The following NYAP2 variants were observed in gnomAD, a reference collection of about 807,000 sequenced individuals.
NYAP2 encodes the protein neuronal tyrosine-phosphorylated phosphoinositide-3-kinase adaptor 2.
Under a neutral mutation model 50.4 loss-of-function variants are expected in NYAP2, and 23 were observed. The ratio of observed to expected loss-of-function variants is 0.46; its 90% CI spans 0.33 to 0.65. The LOEUF is 0.65. Among genes scored for constraint, NYAP2 ranks in the 30% least tolerant of loss-of-function variants. The pLI is 0.02. For missense variants in NYAP2, 885 were observed against 861.0 expected, an observed-to-expected ratio of 1.03 and a Z score of -0.35; for synonymous variants, 394 against 365.2, an observed-to-expected ratio of 1.08 and a Z score of -0.90.
In NYAP2 at chr2:225,431,112, GATAAA is replaced by G. The variant is rs140241530; in HGVS notation, c.221+22022_221+22026del. 1.3e-3 allele frequency among the ~76,000 whole-genome samples: 200 copies of G among 152,156 alleles called. 4 individuals are homozygous for G. The East Asian group carries it at 0.031, about 23-fold the overall frequency. ...TTCAAATATCTCTAAAAAATAAAATGATAAAATAAAATAAATTCTGTGGTACATAT... is the reference window on the plus strand; with the variant it reads ...TTCAAATATCTCTAAAAAATAAAATGATAAAATAAATTCTGTGGTACATAT... On this transcript the variant is annotated intron_variant, in intron 3 of 6. Coordinates refer to ENST00000636099, the Ensembl canonical transcript of NYAP2.
At chr2:225,459,110 T>C (rs948203195) in intron 3 of NYAP2, among the ~76,000 whole-genome samples, 2 of 152,248 alleles carry the variant, frequency 1.3e-5, no homozygotes, top group African/African-American at 4.8e-5. Flanking sequence ...TATTGTATCA[T>C]ACTGTGTTAT....
intron 3 of NYAP2, among the ~76,000 whole-genome samples, chr2:225,442,026 T>A (rs1318823261): frequency 6.6e-6 from 1 of 152,246 alleles, no homozygotes. Flanking sequence ...CACTGCCAGC[T>A]CTTCAGTGCG....
intron 4 of NYAP2, among the ~76,000 whole-genome samples, chr2:225,565,295 A>G (rs1691943036): frequency 6.6e-6 from 1 of 152,200 alleles, no homozygotes; most frequent in Admixed American, 6.5e-5. Context: ...AAGATTATCA[A>G]TACTAAAATG....
At chr2:225,510,814 A>T (rs1414983103) in intron 3 of NYAP2, among the ~76,000 whole-genome samples, 2 of 151,832 alleles carry the variant, frequency 1.3e-5, no homozygotes, top group Non-Finnish European at 2.9e-5. Flanking sequence ...TGTAAAAGGC[A>T]TATATGAACC....
chr2:225,443,373 C>T (rs934014579), intron 3 of NYAP2, among the ~76,000 whole-genome samples: 5 of 152,284 alleles, frequency 3.3e-5, no homozygotes, highest in South Asian at 2.1e-4. Flanking sequence ...TCCTCTTCTT[C>T]CTGCCATTCC....
chr2:225,476,033 C>G (rs754675324), intron 3 of NYAP2, among the ~76,000 whole-genome samples: 3 of 152,120 alleles, frequency 2.0e-5, no homozygotes, highest in Non-Finnish European at 2.9e-5. Context: ...CTGCAGAGCT[C>G]AACATCGATT....
At chr2:225,689,902 G>A in the NYAP2 span, among the ~76,000 whole-genome samples, 1 of 151,990 alleles carries the variant, frequency 6.6e-6, no homozygotes, top group Non-Finnish European at 1.5e-5. Flanking sequence ...ATTCAAGAAA[G>A]CCAGATAAGT....
chr2:225,433,713 A>T (rs1200667219), intron 3 of NYAP2, among the ~76,000 whole-genome samples: 5 of 144,812 alleles, frequency 3.5e-5, no homozygotes, highest in Non-Finnish European at 6.0e-5. Context: ...GCTACTCAGG[A>T]GGCTGAGGCA....
chr2:225,609,511 T>A (rs1692843365), intron 5 of NYAP2, among the ~76,000 whole-genome samples: 1 of 152,124 alleles, frequency 6.6e-6, no homozygotes. Flanking sequence ...GGAAGTCAGC[T>A]TGGGGCCAGA....
intron 3 of NYAP2, among the ~76,000 whole-genome samples, chr2:225,494,800 C>T (rs1452145890): frequency 1.7e-4 from 26 of 152,156 alleles, no homozygotes; most frequent in Admixed American, 1.7e-3. Context: ...CAGGTGGTGG[C>T]TGCTCACAGC....
intron 5 of NYAP2, 145 bp downstream of exon 5, chr2:225,583,180 G>A: frequency 9.7e-7 from 1 of 1,029,362 alleles, no homozygotes; most frequent in Non-Finnish European, 1.4e-6. Context: ...AAATGTGTTA[G>A]TTCATTTTTG....
intron 4 of NYAP2, among the ~76,000 whole-genome samples, chr2:225,577,763 A>C (rs1692193625): frequency 6.6e-6 from 1 of 151,936 alleles, no homozygotes; most frequent in South Asian, 2.1e-4. Context: ...TACCTCGAAG[A>C]ACCATGAGAT....
At chr2:225,546,417 C>T (rs1691585942) in intron 4 of NYAP2, among the ~76,000 whole-genome samples, 1 of 152,018 alleles carries the variant, frequency 6.6e-6, no homozygotes, top group Admixed American at 6.6e-5. Context: ...CCTTTCCATT[C>T]TTCCCTTTCC....
At chr2:225,530,617 C>T (rs535309268) in intron 4 of NYAP2, among the ~76,000 whole-genome samples, 1 of 152,266 alleles carries the variant, frequency 6.6e-6, no homozygotes, top group South Asian at 2.1e-4. Flanking sequence ...TGTCTCTGAA[C>T]TCTCACTGGC....
intron 5 of NYAP2, among the ~76,000 whole-genome samples, chr2:225,589,518 T>A (rs12467384): frequency 8.1e-4 from 40 of 49,474 alleles, no homozygotes; most frequent in South Asian, 1.6e-3. Context: ...AAAAGTAAAA[T>A]ATATATATAT....
chr2:225,490,550 C>T (rs1390049321), intron 3 of NYAP2, among the ~76,000 whole-genome samples: 7 of 152,102 alleles, frequency 4.6e-5, no homozygotes, highest in Non-Finnish European at 4.4e-5. Flanking sequence ...TAAGTAGCAG[C>T]TACTGTTCTA....
the NYAP2 span, among the ~76,000 whole-genome samples, chr2:225,683,397 A>G: frequency 1.3e-5 from 2 of 152,150 alleles, no homozygotes; most frequent in Non-Finnish European, 2.9e-5. Flanking sequence ...AAGCCTCGTG[A>G]GTATTGATTT....
intron 3 of NYAP2, among the ~76,000 whole-genome samples, chr2:225,502,950 C>T (rs532209455): frequency 2.0e-5 from 3 of 152,198 alleles, no homozygotes; most frequent in South Asian, 4.1e-4. Context: ...ATAAATTCCT[C>T]AAGACAGAGT....
intron 5 of NYAP2, among the ~76,000 whole-genome samples, chr2:225,603,245 A>G (rs191618143): frequency 6.6e-6 from 1 of 152,308 alleles, no homozygotes; most frequent in East Asian, 1.9e-4. Context: ...TTCGTTCAAT[A>G]AATGTTTATA....
Sources: allele counts gnomAD v4.1 joint callset (sites outside exome capture counted in the v4.1 genomes callset), GRCh38; gene constraint gnomAD v4.1.1; transcripts MANE v1.5; gene names NCBI Gene and HGNC (gene_info 2026-07-23, HGNC 2026-07-21).